Variants in CLPTM1L observed in about 807,000 individuals in gnomAD.
The protein encoded by CLPTM1L is lipid scramblase CLPTM1L.
CLPTM1L carries 38 observed loss-of-function variants against 70.9 expected under a neutral mutation model. That is an observed-to-expected ratio of 0.54 (90% confidence interval 0.41 to 0.70). The LOEUF is 0.70. CLPTM1L is among the 30% of genes least tolerant of loss of function. The pLI, the probability that CLPTM1L is intolerant of heterozygous loss-of-function variation, is 0.00. For synonymous variants in CLPTM1L, 339 were observed against 299.9 expected (o/e 1.13, Z -1.35); for missense variants, 652 against 705.9 (o/e 0.92, Z 0.87).
intron 10 of CLPTM1L, 86 bp downstream of exon 10, chr5:1,325,665 C>T: frequency 2.7e-6 from 3 of 1,105,388 alleles, no homozygotes; most frequent in Non-Finnish European, 4.1e-6. Flanking sequence ...GACTCATCTG[C>T]AGATGGCCAT....
rs1355731694 is a variant in CLPTM1L, at chr5:1,320,769, C to T, written c.1417-38G>A. 2.4e-6 allele frequency: 3 copies of T among 1,259,170 alleles called. 1 individual carries two copies. The South Asian group carries it at 4.1e-5, about 17-fold the overall frequency. The allele number at this position is 1,259,170 out of a possible 1,614,324, so 78.0% of individuals were successfully genotyped here. ...ACGGGAGGAGGGTGAACCCCAGTTG[C>T]TGGGGCTGGAATCCTACTGTTTTTG... On this transcript the variant is annotated intron_variant, in intron 15 of 16. Coordinates refer to ENST00000320895, the MANE Select transcript of CLPTM1L (RefSeq NM_030782.5).
At chr5:1,330,559 G>C in intron 8 of CLPTM1L, 176 bp from the exon 9 acceptor site, 2 of 592,266 alleles carry the variant, frequency 3.4e-6, no homozygotes, top group Non-Finnish European at 6.1e-6. Context: ...CAGCAGCTAG[G>C]AAAGTGTTTG....
intron 7 of CLPTM1L, among the ~76,000 whole-genome samples, chr5:1,332,933 GGC>G (rs1449455648): frequency 6.6e-6 from 1 of 152,080 alleles, no homozygotes; most frequent in Non-Finnish European, 1.5e-5. Context: ...GAGGATAAGG[GGC>G]GGACTACTGT....
Position 1,331,833 on chromosome 5 carries a change from C to T in CLPTM1L, c.942G>A (p.Lys314=), listed in dbSNP as rs1753112956. Residue 314 remains lysine (K), a synonymous_variant, in exon 8 of 17, where the codon AAG becomes AAA. Transcript: ENST00000320895. Reference sequence around the variant, plus strand: ...TGGACATGCCGATCATGCTCTTCTTCTTCTTCCAGAAACTGATGTCATTTT... The same window carrying T: ...TGGACATGCCGATCATGCTCTTCTTTTTCTTCCAGAAACTGATGTCATTTT... The part of the protein sequence containing the change: ...AFKNDISFWK[K]KKSMIGMSTK... 2 of 1,613,466 alleles carry T rather than the reference C, an allele frequency of 1.2e-6. No individual in the cohort carries two copies. The highest frequency in any genetic ancestry group is 1.7e-6 in the Non-Finnish European group (2 of 1,179,992).
intron 9 of CLPTM1L, among the ~76,000 whole-genome samples, chr5:1,326,914 T>C (rs375163): frequency 6.7e-6 from 1 of 148,714 alleles, no homozygotes; most frequent in Non-Finnish European, 1.5e-5. Context: ...ACACATTTCA[T>C]CCAGCTCCTC....
chr5:1,329,468 G>T (rs959529364), intron 9 of CLPTM1L, among the ~76,000 whole-genome samples: 7 of 149,912 alleles, frequency 4.7e-5, no homozygotes, highest in African/African-American at 1.7e-4. Context: ...TTGGTGGACA[G>T]GGCCTCAGGA....
rs765836953 is a variant in CLPTM1L at position 1,334,309 on chromosome 5, A to T, written c.871T>A (p.Phe291Ile). Reference protein sequence around the residue: ...DTNLYFLALTFFVAAFHLLFD... With the variant: ...DTNLYFLALTIFVAAFHLLFD... ...CTCACATGGAACGCTGCGACAAAGAAGGTCAGCGCCAGGAAGTATAAGTTG... is the reference window on the plus strand; with the variant it reads ...CTCACATGGAACGCTGCGACAAAGATGGTCAGCGCCAGGAAGTATAAGTTG... The change falls in exon 7 of 17, where the codon TTC becomes ATC. Residue 291 changes from phenylalanine (F) to isoleucine (I), a missense_variant. Phe to Ile is a conservative substitution (Grantham distance 21). Transcript: ENST00000320895. 12 of 1,613,636 alleles carry T rather than the reference A, an allele frequency of 7.4e-6. No homozygotes were observed. The highest frequency in any genetic ancestry group is 3.3e-5 in the Admixed American group (2 of 59,990).
Position 1,323,794 on chromosome 5 carries a change from AT to A in CLPTM1L, c.1272del (p.Lys424AsnfsTer9). 1 of 1,612,660 alleles carries A rather than the reference AT, an allele frequency of 6.2e-7. No homozygotes were observed. The highest frequency in any genetic ancestry group is 8.5e-7 in the Non-Finnish European group (1 of 1,178,890). ...GGAVYSLLNI[K>X]YKSWYSWLIN... Reference sequence around the variant, plus strand: ...GCGTGTGCGGCCTCCTACCTCTTATATTTGATATTCAGGAGTGAATAGACAG... The same window carrying A: ...GCGTGTGCGGCCTCCTACCTCTTATATTGATATTCAGGAGTGAATAGACAG... On this transcript the variant is annotated frameshift_variant, in exon 12 of 17. Coordinates refer to ENST00000320895, the MANE Select transcript of CLPTM1L (RefSeq NM_030782.5). LOFTEE classifies it high-confidence loss of function.
chr5:1,334,660 A>T (rs1038052938), intron 6 of CLPTM1L, among the ~76,000 whole-genome samples: 1 of 151,884 alleles, frequency 6.6e-6, no homozygotes, highest in African/African-American at 2.4e-5. Flanking sequence ...GGACTGAGGA[A>T]CGAGAATCGC....
intron 10 of CLPTM1L, chr5:1,325,261 G>A (rs115813964): frequency 0.018 from 4,510 of 247,398 alleles, 60 homozygotes; most frequent in Middle Eastern, 0.029. Flanking sequence ...TGAGGGCCCC[G>A]CCTCAATCAA....
In CLPTM1L at chr5:1,324,646, G is replaced by A. The variant is rs929459303; in HGVS notation, c.1197+117C>T. On this transcript the variant is annotated intron_variant, in intron 11 of 16. Transcript: ENST00000320895. Reference sequence around the variant, plus strand: ...TTCACTCTTGGGATCCCTGCTCAAGGCGGGCTGACCCGTACTCCAAGGAGA... The same window carrying A: ...TTCACTCTTGGGATCCCTGCTCAAGACGGGCTGACCCGTACTCCAAGGAGA... 3.9e-6 allele frequency: 4 copies of A among 1,013,852 alleles called. No homozygotes were observed. In the African/African-American group the frequency reaches 6.4e-5, roughly 16 times the overall value. 62.8% of individuals were successfully genotyped at this position (1,013,852 alleles called of 1,614,324 possible). A position where few individuals can be genotyped will look rare whatever the true frequency, so the allele number is the denominator to read the frequency against.
chr5:1,324,981 C>T (rs902509922), intron 10 of CLPTM1L, 168 bp from the exon 11 acceptor site: 7 of 630,176 alleles, frequency 1.1e-5, no homozygotes, highest in East Asian at 5.5e-5. Context: ...GACGGGGATC[C>T]GCATGGATCC....
chr5:1,333,174 A>G (rs1753247569), intron 7 of CLPTM1L, among the ~76,000 whole-genome samples: 2 of 77,724 alleles, frequency 2.6e-5, no homozygotes, highest in Non-Finnish European at 4.9e-5. Context: ...AGGGGGGACT[A>G]CTGTATACAC....
At chr5:1,337,144 C>T (rs1753624535) in intron 5 of CLPTM1L, among the ~76,000 whole-genome samples, 1 of 152,208 alleles carries the variant, frequency 6.6e-6, no homozygotes, top group Non-Finnish European at 1.5e-5. Flanking sequence ...CCCAGCTGAG[C>T]GTTCACCTCT....
intron 8 of CLPTM1L, chr5:1,331,411 G>A (rs1753079081): frequency 7.6e-6 from 2 of 261,742 alleles, no homozygotes; most frequent in East Asian, 7.0e-5. Context: ...GAACACCGGC[G>A]GGAGGACGGG....
chr5:1,337,846 C>G, intron 5 of CLPTM1L, 58 bp downstream of exon 5: 2 of 1,375,790 alleles, frequency 1.5e-6, no homozygotes, highest in Non-Finnish European at 2.0e-6. Flanking sequence ...GCTGCGGGGC[C>G]AGTCTTGGGG....
intron 16 of CLPTM1L, among the ~76,000 whole-genome samples, chr5:1,319,709 G>C (rs185903092): frequency 6.6e-6 from 1 of 152,228 alleles, no homozygotes; most frequent in Non-Finnish European, 1.5e-5. Context: ...CCTCCTGGTC[G>C]GGGGAGGGAG....
chr5:1,324,859 T>C lies in CLPTM1L; in HGVS notation c.1147-46A>G, dbSNP rs763780811. ...GTGATATTAATAGACTCAGGGAGGATCTGAGCACAGCTGAGCTGTGACTAA... is the reference window on the plus strand; with the variant it reads ...GTGATATTAATAGACTCAGGGAGGACCTGAGCACAGCTGAGCTGTGACTAA... On this transcript the variant is annotated intron_variant, in intron 10 of 16. Transcript: ENST00000320895. 6 of 1,568,540 alleles carry C rather than the reference T, an allele frequency of 3.8e-6. No individual in the cohort carries two copies. The African/African-American group carries it at 8.1e-5, about 21-fold the overall frequency.
intron 9 of CLPTM1L, among the ~76,000 whole-genome samples, chr5:1,327,201 CCATCCAGCTCCTCCTCTACAGACACATTT>C (rs1561234888): frequency 4.1e-4 from 53 of 130,710 alleles, no homozygotes; most frequent in Non-Finnish European, 4.7e-4. Context: ...CAGACACATT[CCATCCAGCTCCTCCTCTACAGACACATTT>C]CATCCAGCTC....
Sources: allele counts gnomAD v4.1 joint callset (sites outside exome capture counted in the v4.1 genomes callset), GRCh38; gene constraint gnomAD v4.1.1; transcripts MANE v1.5; gene names NCBI Gene and HGNC (gene_info 2026-07-23, HGNC 2026-07-21).